Variants in SMURF1 observed in about 807,000 individuals in gnomAD.
SMURF1 encodes the protein E3 ubiquitin-protein ligase SMURF1.
Under a neutral mutation model 98.0 loss-of-function variants are expected in SMURF1, and 44 were observed. The ratio of observed to expected loss-of-function variants is 0.45; its 90% confidence interval spans 0.35 to 0.58. The LOEUF (loss-of-function observed/expected upper bound fraction) is 0.58, where lower values mean the gene tolerates loss of function less well. Ranked by LOEUF, SMURF1 falls within the 20% of genes least tolerant of loss-of-function variation. The probability of loss-of-function intolerance (pLI) is 0.00; values close to 1 mark genes in which losing one functional copy is unlikely to be tolerated. For synonymous variants in SMURF1, 396 were observed against 374.9 expected, an observed-to-expected ratio of 1.06 and a Z score of -0.65; for missense variants, 687 against 938.4, an observed-to-expected ratio of 0.73 and a Z score of 3.50.
intron 3 of SMURF1, 121 bp downstream of exon 3, chr7:99,060,478 T>C: frequency 1.8e-6 from 1 of 562,190 alleles, no homozygotes; most frequent in Non-Finnish European, 3.1e-6. Context: ...CATTTGGCCA[T>C]CCGCTTTTGT....
chr7:99,078,758 G>C (rs540620831), intron 1 of SMURF1, among the ~76,000 whole-genome samples: 8 of 152,302 alleles, frequency 5.3e-5, no homozygotes, highest in Admixed American at 4.6e-4. Context: ...ATCTGTCACT[G>C]TCTCCCATCA....
intron 1 of SMURF1, among the ~76,000 whole-genome samples, chr7:99,122,135 C>T (rs538078337): frequency 6.6e-6 from 1 of 151,740 alleles, no homozygotes; most frequent in South Asian, 2.1e-4. Context: ...TCGAGGCCAG[C>T]CTGGGCAACA....
At chr7:99,121,581 C>A (rs79159180) in intron 1 of SMURF1, among the ~76,000 whole-genome samples, 2,300 of 152,278 alleles carry the variant, frequency 0.015, 48 homozygotes, top group African/African-American at 0.05. Context: ...GGGAAACACT[C>A]CCAGATCCTT....
At chr7:99,111,259 A>T (rs1403148036) in intron 1 of SMURF1, among the ~76,000 whole-genome samples, 1 of 152,226 alleles carries the variant, frequency 6.6e-6, no homozygotes, top group East Asian at 1.9e-4. Context: ...TTTATCCAAA[A>T]TCATAAGAGA....
intron 5 of SMURF1, 53 bp from the exon 6 acceptor site, chr7:99,054,918 A>G (rs1187375839): frequency 6.7e-7 from 1 of 1,495,982 alleles, no homozygotes; most frequent in African/African-American, 1.4e-5. Context: ...TTACATAATT[A>G]TAATACAGTG....
intron 9 of SMURF1, 68 bp from the exon 10 acceptor site, chr7:99,047,950 C>A: frequency 6.9e-7 from 1 of 1,440,168 alleles, no homozygotes; most frequent in Non-Finnish European, 9.7e-7. Context: ...CACCCACGTA[C>A]GCGACAGGGT....
At chr7:99,131,596 T>C (rs1797873265) in intron 1 of SMURF1, among the ~76,000 whole-genome samples, 1 of 152,006 alleles carries the variant, frequency 6.6e-6, no homozygotes, top group Non-Finnish European at 1.5e-5. Context: ...GTTTAAAAAT[T>C]AGCTGGGCAT....
chr7:99,033,865 G>A (rs1182082541), intron 16 of SMURF1, among the ~76,000 whole-genome samples: 1 of 152,244 alleles, frequency 6.6e-6, no homozygotes, highest in Non-Finnish European at 1.5e-5. Context: ...CACTGCTGCT[G>A]CAAAGACGGC....
At chr7:99,141,200 T>C (rs959791614) in intron 1 of SMURF1, among the ~76,000 whole-genome samples, 1 of 152,364 alleles carries the variant, frequency 6.6e-6, no homozygotes, top group East Asian at 1.9e-4. Context: ...TTCGATAATC[T>C]AAATTCCTAA....
intron 6 of SMURF1, 109 bp from the exon 7 acceptor site, chr7:99,052,555 TC>T: frequency 1.6e-6 from 2 of 1,221,064 alleles, no homozygotes; most frequent in Non-Finnish European, 2.1e-6. Context: ...TGATTTGCTT[TC>T]CTTTAACAAC....
intron 1 of SMURF1, among the ~76,000 whole-genome samples, chr7:99,091,514 A>C (rs977448445): frequency 2.6e-5 from 4 of 152,196 alleles, no homozygotes; most frequent in African/African-American, 9.7e-5. Flanking sequence ...ACAACAGTTA[A>C]GAGGGGAAAA....
chr7:99,087,449 T>C (rs1158738862), intron 1 of SMURF1, among the ~76,000 whole-genome samples: 1 of 152,188 alleles, frequency 6.6e-6, no homozygotes. Context: ...CATTTGCTTC[T>C]TATAAGTCTT....
At chr7:99,090,893 C>A (rs896272082) in intron 1 of SMURF1, among the ~76,000 whole-genome samples, 2 of 152,152 alleles carry the variant, frequency 1.3e-5, no homozygotes, top group Non-Finnish European at 2.9e-5. Context: ...TGTAATCCTA[C>A]AGAGAAGTTA....
intron 1 of SMURF1, among the ~76,000 whole-genome samples, chr7:99,106,428 T>C (rs1390446477): frequency 3.9e-5 from 6 of 152,242 alleles, no homozygotes; most frequent in Admixed American, 3.9e-4. Flanking sequence ...GGTCCTTTTA[T>C]GGTCTGAATG....
chr7:99,107,933 G>A (rs1342627158), intron 1 of SMURF1, among the ~76,000 whole-genome samples: 6 of 152,252 alleles, frequency 3.9e-5, no homozygotes, highest in Admixed American at 6.5e-5. Flanking sequence ...TATCCCAAAC[G>A]TGTGAAAAGC....
intron 1 of SMURF1, among the ~76,000 whole-genome samples, chr7:99,076,106 A>G (rs1408154552): frequency 2.6e-5 from 4 of 152,142 alleles, no homozygotes; most frequent in African/African-American, 4.8e-5. Context: ...GGGTCTCGCA[A>G]TGTTGCCCAG....
intron 11 of SMURF1, among the ~76,000 whole-genome samples, chr7:99,044,281 C>T (rs1795498503): frequency 1.3e-5 from 2 of 152,050 alleles, no homozygotes; most frequent in Admixed American, 6.5e-5. Context: ...CAGTGGACTC[C>T]AGCCTGGGCC....
intron 1 of SMURF1, among the ~76,000 whole-genome samples, chr7:99,114,721 T>C (rs1439650760): frequency 6.6e-6 from 1 of 152,172 alleles, no homozygotes; most frequent in South Asian, 2.1e-4. Context: ...CTCAAGCACA[T>C]GTGGAACATT....
intron 1 of SMURF1, among the ~76,000 whole-genome samples, chr7:99,096,921 A>G (rs966571894): frequency 2.0e-5 from 3 of 152,246 alleles, no homozygotes; most frequent in Non-Finnish European, 4.4e-5. Context: ...GACTAGAGTC[A>G]TACGATGTAT....
Sources: allele counts gnomAD v4.1 joint callset (sites outside exome capture counted in the v4.1 genomes callset), GRCh38; gene constraint gnomAD v4.1.1; transcripts MANE v1.5; gene names NCBI Gene and HGNC (gene_info 2026-07-23, HGNC 2026-07-21).